The following ANKS1B variants were observed in gnomAD, a reference collection of about 807,000 sequenced individuals.
The protein encoded by ANKS1B is ankyrin repeat and sterile alpha motif domain containing 1B, also known as ankyrin repeat and sterile alpha motif domain-containing protein 1B.
ANKS1B carries 36 observed loss-of-function variants against 148.3 expected under a neutral mutation model. The ratio of observed to expected loss-of-function variants is 0.24; its 90% CI spans 0.19 to 0.32. ANKS1B has a LOEUF of 0.32. ANKS1B is among the 10% of genes least tolerant of loss of function. The pLI is 1.00. For synonymous variants in ANKS1B, 542 were observed against 560.8 expected, an observed-to-expected ratio of 0.97 and a Z score of 0.47; for missense variants, 1,157 against 1,542.6, an observed-to-expected ratio of 0.75 and a Z score of 4.19.
intron 9 of ANKS1B, among the ~76,000 whole-genome samples, chr12:99,638,716 G>C (rs2098269186): frequency 1.3e-5 from 2 of 152,152 alleles, no homozygotes; most frequent in Non-Finnish European, 1.5e-5. Flanking sequence ...CAAGACAATG[G>C]GGAAAATGTC....
chr12:99,178,204 G>A (rs561275782), intron 14 of ANKS1B, among the ~76,000 whole-genome samples: 1 of 152,250 alleles, frequency 6.6e-6, no homozygotes. Flanking sequence ...CCAACAGCTT[G>A]GCTTTCTGTG....
At chr12:99,466,801 C>T (rs376036633) in intron 10 of ANKS1B, among the ~76,000 whole-genome samples, 7 of 151,894 alleles carry the variant, frequency 4.6e-5, no homozygotes, top group Admixed American at 4.6e-4. Context: ...TAATCAATAG[C>T]TTACCAACCA....
chr12:99,902,461 C>T (rs538935312), intron 1 of ANKS1B, among the ~76,000 whole-genome samples: 11 of 152,166 alleles, frequency 7.2e-5, no homozygotes, highest in Non-Finnish European at 1.3e-4. Context: ...GAGCGAGCAA[C>T]GGAAATCCAT....
chr12:99,720,179 C>T (rs138561312), intron 8 of ANKS1B, among the ~76,000 whole-genome samples: 1 of 152,180 alleles, frequency 6.6e-6, no homozygotes, highest in Non-Finnish European at 1.5e-5. Context: ...ATTCTACTAC[C>T]CTTCAGGGAT....
intron 15 of ANKS1B, among the ~76,000 whole-genome samples, chr12:99,118,377 A>G (rs913048012): frequency 6.6e-6 from 1 of 152,334 alleles, no homozygotes; most frequent in African/African-American, 2.4e-5. Flanking sequence ...GTACATTGGC[A>G]TATCTCACAA....
intron 10 of ANKS1B, among the ~76,000 whole-genome samples, chr12:99,463,332 G>C (rs1465392624): frequency 2.0e-5 from 3 of 152,228 alleles, no homozygotes; most frequent in Admixed American, 6.5e-5. Flanking sequence ...AATAGGAACA[G>C]ATCCGGTCTA....
At chr12:99,822,968 T>C (rs1196298485) in intron 2 of ANKS1B, among the ~76,000 whole-genome samples, 1 of 152,170 alleles carries the variant, frequency 6.6e-6, no homozygotes, top group African/African-American at 2.4e-5. Context: ...TTTTTTGACT[T>C]TTTAATAATA....
At chr12:99,242,072 T>C (rs367611591) in intron 14 of ANKS1B, among the ~76,000 whole-genome samples, 1 of 151,020 alleles carries the variant, frequency 6.6e-6, no homozygotes, top group East Asian at 2.0e-4. Context: ...GAGAATGACA[T>C]AAATCAATTA....
chr12:99,509,717 T>C (rs180888510), intron 9 of ANKS1B, among the ~76,000 whole-genome samples: 59 of 152,060 alleles, frequency 3.9e-4, no homozygotes, highest in Non-Finnish European at 7.4e-4. Flanking sequence ...ATCCAGAAGA[T>C]CCCGCTAAGA....
At position 99,401,378 on chromosome 12, in the gene ANKS1B, T is replaced by C. The variant is rs151229588; in HGVS notation, c.1576-1567A>G. 3.3e-4 allele frequency among the ~76,000 whole-genome samples: 49 copies of C among 146,532 alleles called. No individual in the cohort carries two copies. The East Asian group carries it at 8.5e-3, about 25-fold the overall frequency. ...TTCTAGGCTTTGTTTTATTGTGTTG[T>C]GTTTTTGTTTCACTTTATGTGTAGG... On this transcript the variant is annotated intron_variant, in intron 11 of 26. Transcript: ENST00000683438.
chr12:99,806,726 A>G (rs1403823544), intron 3 of ANKS1B, 26 bp from the exon 4 acceptor site: 4 of 1,582,224 alleles, frequency 2.5e-6, no homozygotes, highest in Admixed American at 3.5e-5. Context: ...TTAAAAAGGC[A>G]CATTTTCAGA....
intron 17 of ANKS1B, among the ~76,000 whole-genome samples, chr12:98,901,311 G>T (rs1283455667): frequency 6.6e-6 from 1 of 152,226 alleles, no homozygotes; most frequent in African/African-American, 2.4e-5. Context: ...GTAGTTGGAA[G>T]GCCTGGGTGG....
intron 9 of ANKS1B, among the ~76,000 whole-genome samples, chr12:99,610,740 T>A (rs2097894867): frequency 6.6e-6 from 1 of 152,114 alleles, no homozygotes; most frequent in Non-Finnish European, 1.5e-5. Context: ...AAAAGTTAAT[T>A]TATAGGATTC....
chr12:99,549,290 A>G (rs1025962229), intron 9 of ANKS1B, among the ~76,000 whole-genome samples: 2 of 152,226 alleles, frequency 1.3e-5, no homozygotes, highest in Non-Finnish European at 2.9e-5. Context: ...AGAAGACTGG[A>G]GATGGGTAAA....
At chr12:99,110,744 G>T (rs1420453467) in intron 15 of ANKS1B, among the ~76,000 whole-genome samples, 1 of 152,014 alleles carries the variant, frequency 6.6e-6, no homozygotes, top group African/African-American at 2.4e-5. Context: ...TAAGGATGCT[G>T]GGTGTATCTA....
chr12:99,795,688 G>A (rs955074054), intron 4 of ANKS1B, among the ~76,000 whole-genome samples: 1 of 151,930 alleles, frequency 6.6e-6, no homozygotes, highest in African/African-American at 2.4e-5. Flanking sequence ...CACGGAAAAG[G>A]TCCCACTTTA....
Position 99,825,030 on chromosome 12 carries a change from A to C in ANKS1B, c.215+279T>G, listed in dbSNP as rs761247828. Among the ~76,000 whole-genome samples the C allele has an allele frequency of 7.9e-5, 12 of 152,286 alleles. No individual in the cohort carries two copies. In the East Asian group the frequency reaches 1.9e-3, roughly 24 times the overall value. ...GGTTTTATCCCATTCTCTCCCCCAA[A>C]GATACACATGACTAGCATGGTCCTG... On this transcript the variant is annotated intron_variant, in intron 2 of 26. Transcript: ENST00000683438.
At chr12:98,848,742 G>GTTTTTTTTTTTTTTTTT (rs1567128578) in intron 17 of ANKS1B, among the ~76,000 whole-genome samples, 5 of 12,776 alleles carry the variant, frequency 3.9e-4, no homozygotes, top group East Asian at 0.029. Flanking sequence ...GTGTATGTGT[G>GTTTTTTTTTTTTTTTTT]GTTTTTTTTT....
chr12:99,877,099 C>G (rs190180178), intron 1 of ANKS1B, among the ~76,000 whole-genome samples: 4 of 152,296 alleles, frequency 2.6e-5, no homozygotes, highest in East Asian at 1.9e-4. Context: ...TTCACCCCCC[C>G]ACCCCAGTCC....
Sources: allele counts gnomAD v4.1 joint callset (sites outside exome capture counted in the v4.1 genomes callset), GRCh38; gene constraint gnomAD v4.1.1; transcripts MANE v1.5; gene names NCBI Gene and HGNC (gene_info 2026-07-23, HGNC 2026-07-21).